GLI4: variants seen among roughly 807,000 people sequenced by gnomAD.
GLI4 encodes the protein zinc finger protein GLI4.
A neutral mutation model predicts 30.9 loss-of-function variants in GLI4; 34 were observed. The observed-to-expected ratio is 1.10, with a 90% confidence interval of 0.84 to 1.47. The LOEUF is 1.47. GLI4 is among the 40% of genes most tolerant of loss of function. The pLI is 0.00. For synonymous variants in GLI4, 277 were observed against 236.7 expected (o/e 1.17, Z -1.56); for missense variants, 696 against 538.9 (o/e 1.29, Z -2.89).
chr8:143,276,647 G>A lies in GLI4; in HGVS notation c.974G>A (p.Cys325Tyr), dbSNP rs1268587495. Residue 325 changes from cysteine (C) to tyrosine (Y), a missense_variant, in exon 4 of 4, where the codon TGC becomes TAC. Physicochemically the swap from Cys to Tyr is radical, Grantham distance 194. Transcript: ENST00000340042. ...CACACTGGCGAGAAGCCCTACGAGT[G>A]CTCCGACTGCGGCAAAGCCTTCCGC... ...RIHTGEKPYE[C>Y]SDCGKAFRGR... The A allele has an allele frequency of 5.0e-6, 8 of 1,612,218 alleles. No homozygotes were observed. Among genetic ancestry groups the A allele is most frequent in the Non-Finnish European group, 6.8e-6 (8 of 1,179,702 alleles).
chr8:143,271,437 G>GGGGCTGTTTCT (rs1439658093), intron 2 of GLI4, among the ~76,000 whole-genome samples: 23 of 152,220 alleles, frequency 1.5e-4, no homozygotes, highest in African/African-American at 4.8e-4. Context: ...GGTGAAGGCA[G>GGGGCTGTTTCT]GGGCTGTTTC....
At chr8:143,268,000 G>T (rs1815176387) in intron 1 of GLI4, 1 of 985,330 alleles carries the variant, frequency 1.0e-6, no homozygotes, top group African/African-American at 1.7e-5. Flanking sequence ...GTCCCTGGGG[G>T]TGAAGGGGCG....
chr8:143,273,921 C>T (rs576470289), intron 2 of GLI4, among the ~76,000 whole-genome samples: 1 of 151,906 alleles, frequency 6.6e-6, no homozygotes, highest in South Asian at 2.1e-4. Flanking sequence ...GGTGAGACCC[C>T]CAAAGGGGCC....
chr8:143,272,555 G>A (rs1586727619), intron 2 of GLI4: 1 of 152,448 alleles, frequency 6.6e-6, no homozygotes, highest in Non-Finnish European at 1.5e-5. Flanking sequence ...GGCCAGGTGA[G>A]GGGTGGTGAA....
intron 1 of GLI4, chr8:143,267,699 C>T: frequency 1.0e-6 from 1 of 985,400 alleles, no homozygotes; most frequent in Non-Finnish European, 1.2e-6. Context: ...CCCAGCGGCC[C>T]TGGCGATAGC....
Position 143,276,245 on chromosome 8 carries a change from G to C in GLI4, c.572G>C (p.Ser191Thr). 1 of 1,609,206 alleles carries C rather than the reference G, an allele frequency of 6.2e-7. No individual in the cohort carries two copies. Among genetic ancestry groups the C allele is most frequent in the Non-Finnish European group, 8.5e-7 (1 of 1,178,244 alleles). ...CACAGGTGCGAGGCCTGCGGCAAGA[G>C]TTTCAAGTATAACTCGCTGCTCCTG... Reference protein sequence around the residue: ...KPHRCEACGKSFKYNSLLLKH... With the variant: ...KPHRCEACGKTFKYNSLLLKH... Residue 191 changes from serine to threonine, a missense_variant, in exon 4 of 4, where the codon AGT becomes ACT. Physicochemically the swap from Ser to Thr is moderately conservative, Grantham distance 58. Transcript: ENST00000340042.
Position 143,276,405 on chromosome 8 carries a change from C to A in GLI4, c.732C>A (p.Cys244Ter). The A allele has an allele frequency of 6.2e-7, 1 of 1,612,602 alleles. No homozygotes were observed. The highest frequency in any genetic ancestry group is 8.5e-7 in the Non-Finnish European group (1 of 1,179,734). The change falls in exon 4 of 4, where the codon TGC (cysteine) becomes TGA (stop). Residue 244 changes from cysteine (C) to a stop codon, truncating the protein, a stop_gained. Coordinates refer to ENST00000340042, the MANE Select transcript of GLI4 (RefSeq NM_138465.4). LOFTEE classifies it high-confidence loss of function. ...TGEKPYECGQ[C>*]GRAFSHSSHF... is the part of the protein sequence containing the mutation. Reference sequence around the variant, plus strand: ...AGAAGCCCTACGAGTGCGGCCAGTGCGGCCGCGCCTTCAGCCACAGCTCGC... The same window carrying A: ...AGAAGCCCTACGAGTGCGGCCAGTGAGGCCGCGCCTTCAGCCACAGCTCGC...
chr8:143,269,551 C>G, intron 2 of GLI4, 31 bp downstream of exon 2: 2 of 1,579,196 alleles, frequency 1.3e-6, no homozygotes, highest in Non-Finnish European at 1.7e-6. Flanking sequence ...GCGCCCTCCA[C>G]CCTGCATCCC....
chr8:143,276,138 C>G lies in GLI4; in HGVS notation c.465C>G (p.Pro155=). 2.6e-6 allele frequency: 4 copies of G among 1,542,788 alleles called. No homozygotes were observed. The South Asian group carries it at 3.6e-5, about 14-fold the overall frequency. The change falls in exon 4 of 4, where the codon CCC becomes CCG. Residue 155 remains proline (P), a synonymous_variant. Transcript: ENST00000340042. ...TCGTGCAGCAAGCAGCGGCCGGGCC[C>G]GAGGGTGCGCCCGAGCGGGCTGCCG... is the stretch of plus-strand genomic sequence containing the variant. ...VTLVQQAAAG[P]EGAPERAAEL...
rs1815159787 is a variant in GLI4, at chr8:143,267,492, G to C, written c.-38+8G>C. Reference sequence around the variant, plus strand: ...CCTCCTCCCGCTCGGAAGGTGAGTGGGCGCGGGCGGCGGCGGCGGCTCCGG... The same window carrying C: ...CCTCCTCCCGCTCGGAAGGTGAGTGCGCGCGGGCGGCGGCGGCGGCTCCGG... On this transcript the variant is annotated splice_region_variant and intron_variant, in intron 1 of 3. Coordinates refer to ENST00000340042, the MANE Select transcript of GLI4 (RefSeq NM_138465.4). The C allele has an allele frequency of 5.1e-6, 5 of 986,252 alleles. No individual in the cohort carries two copies. The highest frequency in any genetic ancestry group is 6.0e-6 in the Non-Finnish European group (5 of 830,558). 61.1% of individuals were successfully genotyped at this position (986,252 alleles called of 1,614,324 possible).
intron 1 of GLI4, among the ~76,000 whole-genome samples, chr8:143,268,810 T>G (rs942642158): frequency 2.2e-5 from 3 of 136,484 alleles, no homozygotes; most frequent in African/African-American, 8.6e-5. Context: ...GGCTGCTTCC[T>G]AAGCGCGCCT....
rs1201629222 is a variant in GLI4 at position 143,267,465 on chromosome 8, G to T, written c.-57G>T. The T allele has an allele frequency of 1.0e-5, 10 of 985,346 alleles. No homozygotes were observed. In the South Asian group the frequency reaches 3.7e-4, roughly 36 times the overall value. 61.0% of individuals were successfully genotyped at this position (985,346 alleles called of 1,614,324 possible). ...CGGACACTTCCGTCCGGCGCGCGGC[G>T]TCCTCCTCCCGCTCGGAAGGTGAGT... On this transcript the variant is annotated 5_prime_UTR_variant, in exon 1 of 4. Coordinates refer to ENST00000340042, the MANE Select transcript of GLI4 (RefSeq NM_138465.4).
intron 3 of GLI4, chr8:143,275,691 GC>G: frequency 8.1e-7 from 1 of 1,239,596 alleles, no homozygotes; most frequent in East Asian, 3.2e-5. Flanking sequence ...ACCCTGCAAC[GC>G]CCCCCACCCC....
At chr8:143,267,507 G>A in intron 1 of GLI4, 23 bp downstream of exon 1, 1 of 986,376 alleles carries the variant, frequency 1.0e-6, no homozygotes, top group Non-Finnish European at 1.2e-6. Context: ...GGGCGGCGGC[G>A]GCGGCTCCGG....
At position 143,276,535 on chromosome 8, in the gene GLI4, C is replaced by T; in HGVS notation, c.862C>T (p.Leu288=). The T allele has an allele frequency of 6.2e-7, 1 of 1,609,744 alleles. No individual in the cohort carries two copies. The highest frequency in any genetic ancestry group is 8.5e-7 in the Non-Finnish European group (1 of 1,179,056). ...CTCCAACCTGGTGCGCCACCAGCGG[C>T]TGCACACGGGTGAGAAGCCCTACGC... The part of the protein sequence containing the change: ...QSSNLVRHQR[L]HTGEKPYACS... Residue 288 remains leucine, a synonymous_variant, in exon 4 of 4, where the codon CTG becomes TTG. Coordinates refer to ENST00000340042, the MANE Select transcript of GLI4 (RefSeq NM_138465.4).
At chr8:143,271,446 T>C (rs1238108424) in intron 2 of GLI4, among the ~76,000 whole-genome samples, 5 of 152,202 alleles carry the variant, frequency 3.3e-5, no homozygotes, top group Non-Finnish European at 5.9e-5. Flanking sequence ...AGGGGCTGTT[T>C]CTGGGCGTTT....
At chr8:143,271,174 CT>C (rs1351259707) in intron 2 of GLI4, among the ~76,000 whole-genome samples, 152 of 152,312 alleles carry the variant, frequency 1.0e-3, no homozygotes, top group African/African-American at 3.4e-3. Flanking sequence ...CCTTGCTGTG[CT>C]AGAAACAACA....
In GLI4 at chr8:143,276,060, G is replaced by A; in HGVS notation, c.387G>A (p.Gln129=). The change falls in exon 4 of 4, where the codon CAG becomes CAA. Residue 129 remains glutamine, a synonymous_variant. Transcript: ENST00000340042. ...CCAGCGCGGAGCGGCCGGCGGGCCA[G>A]CCGCCTGGGGCCGTCCCTTGCGCCC... ...PESSAERPAG[Q]PPGAVPCAQP... 2 of 1,349,168 alleles carry A rather than the reference G, an allele frequency of 1.5e-6. No individual in the cohort carries two copies. The highest frequency in any genetic ancestry group is 4.0e-5 in the Admixed American group (1 of 25,068). The allele number at this position is 1,349,168 out of a possible 1,614,324, so 83.6% of individuals were successfully genotyped here.
At chr8:143,268,737 C>A (rs2129659712) in intron 1 of GLI4, among the ~76,000 whole-genome samples, 1 of 152,364 alleles carries the variant, frequency 6.6e-6, no homozygotes, top group South Asian at 2.1e-4. Context: ...GATGCCAGAG[C>A]CTCTGCTGGG....
Sources: allele counts gnomAD v4.1 joint callset (sites outside exome capture counted in the v4.1 genomes callset), GRCh38; gene constraint gnomAD v4.1.1; transcripts MANE v1.5; gene names NCBI Gene and HGNC (gene_info 2026-07-23, HGNC 2026-07-21).